Variants in SYCP2 observed in about 807,000 individuals in gnomAD.
SYCP2 encodes synaptonemal complex lateral element protein.
In SYCP2, 55 loss-of-function variants were observed where a neutral mutation model predicts 211.3. The observed-to-expected ratio is 0.26, with a 90% CI of 0.21 to 0.33. The LOEUF (loss-of-function observed/expected upper bound fraction) is 0.33, where lower values mean the gene tolerates loss of function less well. Among genes scored for constraint, SYCP2 ranks in the 10% least tolerant of loss-of-function variants. The pLI is 1.00. For missense variants in SYCP2, 1,731 were observed against 1,752.0 expected (o/e 0.99, Z 0.21); for synonymous variants, 570 against 555.2 (o/e 1.03, Z -0.37).
Position 59,896,072 on chromosome 20 carries a change from G to GA in SYCP2, c.1504+356dup, listed in dbSNP as rs370778805. Among the ~76,000 whole-genome samples the GA allele has an allele frequency of 2.3e-3, 339 of 150,646 alleles. 2 individuals carry two copies. Among genetic ancestry groups the GA allele is most frequent in the African/African-American group, 6.8e-3 (279 of 41,156 alleles). The stretch of plus-strand genomic sequence containing the variant: ...GATAGATACTTAAGTGCCACTTATA[G>GA]AAAAAAAAACTGGTTCTAAATTTAG... On this transcript the variant is annotated intron_variant, in intron 19 of 44. Transcript: ENST00000357552.
chr20:59,920,945 TG>T (rs1271742368), intron 4 of SYCP2, among the ~76,000 whole-genome samples: 1 of 151,684 alleles, frequency 6.6e-6, no homozygotes, highest in Non-Finnish European at 1.5e-5. Context: ...GTTTTAGTTT[TG>T]ACAGAAGTAG....
chr20:59,927,692 C>T (rs761218302), intron 2 of SYCP2, among the ~76,000 whole-genome samples: 12 of 152,088 alleles, frequency 7.9e-5, no homozygotes, highest in Non-Finnish European at 1.6e-4. Flanking sequence ...TCCTAGCTTC[C>T]GTGAGAAAGA....
chr20:59,919,542 T>C lies in SYCP2; in HGVS notation c.353A>G (p.Lys118Arg). Residue 118 changes from lysine (K) to arginine (R), a missense_variant, in exon 6 of 45, where the codon AAA becomes AGA. Physicochemically the swap from Lys to Arg is conservative, Grantham distance 26 (BLOSUM62 2). Coordinates refer to ENST00000357552, the MANE Select transcript of SYCP2 (RefSeq NM_014258.4). ...KDIIQSQGNS[K>R]DEAVLNMIED... ...TATCATATTTAGAACAGCTTCATCT[T>C]TTGAATTTCCTTGACTCTGAATAAT... 1 of 1,610,708 alleles carries C rather than the reference T, an allele frequency of 6.2e-7. No individual in the cohort carries two copies. Among genetic ancestry groups the C allele is most frequent in the Non-Finnish European group, 8.5e-7 (1 of 1,178,030 alleles).
At chr20:59,924,102 A>C (rs1165490819) in intron 2 of SYCP2, among the ~76,000 whole-genome samples, 1 of 151,922 alleles carries the variant, frequency 6.6e-6, no homozygotes, top group Non-Finnish European at 1.5e-5. Context: ...CCCATGTGAA[A>C]GATGTCCTCT....
In SYCP2 at chr20:59,919,598, G is replaced by A; in HGVS notation, c.298-1C>T. The A allele has an allele frequency of 6.3e-7, 1 of 1,577,918 alleles. No homozygotes were observed. ...TGGATTTTTCAAACCAGGCAACCAT[G>A]TAAAAAAAGGAATGAACTTATTAGA... On this transcript the variant is annotated splice_acceptor_variant, in intron 5 of 44. Transcript: ENST00000357552. LOFTEE classifies it high-confidence loss of function.
At position 59,922,425 on chromosome 20, in the gene SYCP2, T is replaced by TC; in HGVS notation, c.-13_-12insG. 6.4e-7 allele frequency: 1 copy of TC among 1,550,460 alleles called. No homozygotes were observed. Among genetic ancestry groups the TC allele is most frequent in the Non-Finnish European group, 8.7e-7 (1 of 1,152,494 alleles). On this transcript the variant is annotated 5_prime_UTR_variant, in exon 3 of 45. Coordinates refer to ENST00000357552, the MANE Select transcript of SYCP2 (RefSeq NM_014258.4). Reference sequence around the variant, plus strand: ...GGTCTTATTGGCATTTTGACTTCATTTAAAAAAAAAAAAAAAGCAAGACAA... The same window carrying TC: ...GGTCTTATTGGCATTTTGACTTCATTCTAAAAAAAAAAAAAAAGCAAGACAA...
In SYCP2 at chr20:59,869,926, G is replaced by A. The variant is rs779847186; in HGVS notation, c.3613C>T (p.Leu1205=). 1.2e-6 allele frequency: 2 copies of A among 1,605,824 alleles called. No individual in the cohort carries two copies. Among genetic ancestry groups the A allele is most frequent in the Non-Finnish European group, 1.7e-6 (2 of 1,174,668 alleles). ...TTTTGTGTTTCTTGTGTAAGTACCA[G>A]AGAACTTATTTTTTTTCTATTTACA... The part of the protein sequence containing the change: ...TIVNRKKISS[L]VLTQETQNSN... Residue 1205 remains leucine, a synonymous_variant, in exon 36 of 45, where the codon CTG becomes TTG. Coordinates refer to ENST00000357552, the MANE Select transcript of SYCP2 (RefSeq NM_014258.4).
In SYCP2 at chr20:59,892,433, G is replaced by T. The variant is rs2059924813; in HGVS notation, c.1928-7C>A. On this transcript the variant is annotated splice_polypyrimidine_tract_variant and splice_region_variant and intron_variant, in intron 23 of 44. Transcript: ENST00000357552. ...TTTTTATTTATAACAATATCTATTG[G>T]GGAAAATGAGAAATTAATTCTTTTT... 2 of 1,470,598 alleles carry T rather than the reference G, an allele frequency of 1.4e-6. No homozygotes were observed. Among genetic ancestry groups the T allele is most frequent in the Non-Finnish European group, 1.8e-6 (2 of 1,092,602 alleles). 91.1% of individuals were successfully genotyped at this position (1,470,598 alleles called of 1,614,324 possible).
chr20:59,900,163 C>T lies in SYCP2; in HGVS notation c.1379G>A (p.Gly460Glu), dbSNP rs756012948. 6.2e-7 allele frequency: 1 copy of T among 1,613,142 alleles called. No individual in the cohort carries two copies. The highest frequency in any genetic ancestry group is 8.5e-7 in the Non-Finnish European group (1 of 1,179,500). The change falls in exon 18 of 45, where the codon GGG becomes GAG. Residue 460 changes from glycine (G) to glutamate (E), a missense_variant. By Grantham distance (98) the Gly-to-Glu change is moderately conservative. Coordinates refer to ENST00000357552, the MANE Select transcript of SYCP2 (RefSeq NM_014258.4). ...CTCAAGCTGACTATTATTTCTATTC[C>T]CTTTGTCACTGTTTTTGATATATTT... ...PSKYIKNSDK[G>E]NRNNSQLEKT...
chr20:59,918,584 T>TA (rs2060484181), intron 7 of SYCP2, among the ~76,000 whole-genome samples: 1 of 152,184 alleles, frequency 6.6e-6, no homozygotes, highest in African/African-American at 2.4e-5. Context: ...AATGACATTC[T>TA]AAAATGCAAA....
intron 15 of SYCP2, 78 bp from the exon 16 acceptor site, chr20:59,901,888 T>C: frequency 8.7e-7 from 1 of 1,152,290 alleles, no homozygotes; most frequent in Non-Finnish European, 1.2e-6. Flanking sequence ...GACATGGATG[T>C]AGCAGATTAA....
rs1230837431 is a variant in SYCP2 at position 59,895,428 on chromosome 20, TAA to T, written c.1665+7_1665+8del. ...AAATATTTTTAAAATACTTTCAAGGTAAAGTTACTTTGTCTATATTATCTCTT... is the reference window on the plus strand; with the variant it reads ...AAATATTTTTAAAATACTTTCAAGGTAGTTACTTTGTCTATATTATCTCTT... On this transcript the variant is annotated splice_region_variant and intron_variant, in intron 20 of 44. Transcript: ENST00000357552. 1 of 1,578,896 alleles carries T rather than the reference TAA, an allele frequency of 6.3e-7. No individual in the cohort carries two copies. Among genetic ancestry groups the T allele is most frequent in the East Asian group, 2.3e-5 (1 of 44,074 alleles).
Position 59,921,387 on chromosome 20 carries a change from G to A in SYCP2, c.91C>T (p.Gln31Ter), listed in dbSNP as rs1460180072. ...TTCACATCTTCACAAATATCAATTT[G>A]CAAAAGTGTTTTCAAAGGTTTGAAA... is the stretch of plus-strand genomic sequence containing the variant. ...NDFKPLKTLL[Q>*]IDICEDVKIK... The change falls in exon 4 of 45, where the codon CAA becomes TAA. Residue 31 changes from glutamine (Q) to a stop codon, truncating the protein, a stop_gained. Coordinates refer to ENST00000357552, the MANE Select transcript of SYCP2 (RefSeq NM_014258.4). LOFTEE classifies it high-confidence loss of function. 1 of 1,606,576 alleles carries A rather than the reference G, an allele frequency of 6.2e-7. No individual in the cohort carries two copies. Among genetic ancestry groups the A allele is most frequent in the East Asian group, 2.2e-5 (1 of 44,532 alleles).
At chr20:59,924,418 A>G (rs557519188) in intron 2 of SYCP2, among the ~76,000 whole-genome samples, 2 of 152,044 alleles carry the variant, frequency 1.3e-5, no homozygotes, top group East Asian at 3.9e-4. Flanking sequence ...GTCTATGTCA[A>G]TTTAACTCTA....
At position 59,914,183 on chromosome 20, in the gene SYCP2, G is replaced by A; in HGVS notation, c.703C>T (p.Leu235=). 1 of 1,604,368 alleles carries A rather than the reference G, an allele frequency of 6.2e-7. No individual in the cohort carries two copies. Among genetic ancestry groups the A allele is most frequent in the Non-Finnish European group, 8.5e-7 (1 of 1,173,210 alleles). The change falls in exon 11 of 45, where the codon CTG becomes TTG. Residue 235 remains leucine, a synonymous_variant. Transcript: ENST00000357552. ...RMTTEKQRQE[L]AHQWFSMDFI... ...TCCATTGAAAACCACTGATGTGCCA[G>A]TTCTTGTCTTTGTTTTTCTGTGGTC...
rs2059928914 is a variant in SYCP2, at chr20:59,892,634, C to A, written c.1861G>T (p.Val621Leu). 1 of 1,610,808 alleles carries A rather than the reference C, an allele frequency of 6.2e-7. No individual in the cohort carries two copies. Among genetic ancestry groups the A allele is most frequent in the East Asian group, 2.2e-5 (1 of 44,710 alleles). ...TTATTACATAGTTCAATGTTTGTTA[C>A]AGGTGTCCAACATGCCCATTTGCTG... is the stretch of plus-strand genomic sequence containing the variant. ...IHSKWACWTP[V>L]TNIELCNNQR... is the part of the protein sequence containing the mutation. Residue 621 changes from valine to leucine, a missense_variant, in exon 23 of 45, where the codon GTA (valine) becomes TTA (leucine). Val to Leu is a conservative substitution (Grantham distance 32). Coordinates refer to ENST00000357552, the MANE Select transcript of SYCP2 (RefSeq NM_014258.4).
chr20:59,889,978 T>C lies in SYCP2; in HGVS notation c.2364+2012A>G, dbSNP rs192769179. ...TTGGGAGTGTAAATTTGTTCAACCG[T>C]TGTGGAAGACAGTGATTCCTCAAGG... On this transcript the variant is annotated intron_variant, in intron 24 of 44. Transcript: ENST00000357552. Among the ~76,000 whole-genome samples, 177 of 152,268 alleles carry C rather than the reference T, an allele frequency of 1.2e-3. 1 individual carries two copies. Among genetic ancestry groups the C allele is most frequent in the African/African-American group, 4.1e-3 (169 of 41,550 alleles).
intron 15 of SYCP2, among the ~76,000 whole-genome samples, chr20:59,906,492 T>G (rs1050532645): frequency 6.6e-6 from 1 of 152,046 alleles, no homozygotes; most frequent in Non-Finnish European, 1.5e-5. Context: ...TAACTGCATA[T>G]CTATATGAAA....
chr20:59,876,480 T>C (rs77709665), intron 33 of SYCP2, among the ~76,000 whole-genome samples: 6 of 143,344 alleles, frequency 4.2e-5, no homozygotes, highest in African/African-American at 1.5e-4. Flanking sequence ...GAGATAAGAT[T>C]GCAAACAAGA....
Sources: gnomAD v4.1 joint callset for allele counts (sites outside exome capture counted in the v4.1 genomes callset) on GRCh38, gnomAD v4.1.1 for gene constraint, MANE v1.5 for transcripts, NCBI Gene and HGNC (gene_info 2026-07-23, HGNC 2026-07-21) for gene names.